CNIH3: variants seen among roughly 807,000 people sequenced by gnomAD.
The protein encoded by CNIH3 is protein cornichon homolog 3.
CNIH3 carries 14 observed loss-of-function variants against 24.1 expected under a neutral mutation model. The observed-to-expected ratio is 0.58, with a 90% CI of 0.38 to 0.91. CNIH3 has a LOEUF of 0.91. CNIH3 is among the 40% of genes least tolerant of loss of function. The probability of loss-of-function intolerance (pLI) is 0.00; values close to 1 mark genes in which losing one functional copy is unlikely to be tolerated. For missense variants in CNIH3, 178 were observed against 196.8 expected, an observed-to-expected ratio of 0.90 and a Z score of 0.57; for synonymous variants, 68 against 73.8, an observed-to-expected ratio of 0.92 and a Z score of 0.40.
At chr1:224,658,511 T>C (rs914650563) in intron 1 of CNIH3, among the ~76,000 whole-genome samples, 2 of 152,226 alleles carry the variant, frequency 1.3e-5, no homozygotes, top group Admixed American at 1.3e-4. Context: ...TTGGAAAATT[T>C]GTCAAATATC....
At chr1:224,531,008 G>C (rs1303601216) in intron 2 of CNIH3, among the ~76,000 whole-genome samples, 2 of 152,128 alleles carry the variant, frequency 1.3e-5, no homozygotes, top group Non-Finnish European at 2.9e-5. Flanking sequence ...TAGCTGAATA[G>C]AGCAGACTTC....
intron 4 of CNIH3, chr1:224,574,738 T>C: frequency 8.4e-7 from 1 of 1,193,166 alleles, no homozygotes; most frequent in East Asian, 2.3e-5. Flanking sequence ...GACCTGAAGC[T>C]GGACTACCTG....
chr1:224,704,533 A>G lies in CNIH3; in HGVS notation c.198+19690A>G, dbSNP rs1687674999. 6.6e-6 allele frequency among the ~76,000 whole-genome samples: 1 copy of G among 152,148 alleles called. No individual in the cohort carries two copies. Among genetic ancestry groups the G allele is most frequent in the Admixed American group, 6.5e-5 (1 of 15,274 alleles). On this transcript the variant is annotated intron_variant, in intron 3 of 5. Transcript: ENST00000272133. This position sits in a 1 kb window ranked among gnomAD's most constrained non-coding sequence, Gnocchi z 4.2. ...CACAATGAACACCCACGTAGCCTTCACCAAGATCCGCCGCTTATTCAGTTT... is the reference window on the plus strand; with the variant it reads ...CACAATGAACACCCACGTAGCCTTCGCCAAGATCCGCCGCTTATTCAGTTT...
intron 1 of CNIH3, among the ~76,000 whole-genome samples, chr1:224,441,683 A>G (rs1444296355): frequency 6.6e-6 from 1 of 152,224 alleles, no homozygotes; most frequent in Non-Finnish European, 1.5e-5. Flanking sequence ...GATGTAATGG[A>G]CCAATAACTA....
intron 3 of CNIH3, among the ~76,000 whole-genome samples, chr1:224,701,702 C>T (rs755921976): frequency 7.2e-5 from 11 of 152,062 alleles, no homozygotes; most frequent in Non-Finnish European, 1.6e-4. Flanking sequence ...GTACAAAGTG[C>T]TTGGTTGGAT....
At chr1:224,671,876 T>C (rs879362630) in intron 1 of CNIH3, among the ~76,000 whole-genome samples, 5 of 152,158 alleles carry the variant, frequency 3.3e-5, no homozygotes, top group Non-Finnish European at 7.3e-5. Context: ...CCAGTGCCAC[T>C]TGCTTCTTGG....
Position 224,680,944 on chromosome 1 carries a change from G to T in CNIH3, c.82-14G>T, listed in dbSNP as rs776380701. ...GTGTGCACTAACACCTCAAATCTCT[G>T]TATTCTGTTTCAGATAATTGCCTTT... is the stretch of plus-strand genomic sequence containing the variant. On this transcript the variant is annotated splice_polypyrimidine_tract_variant and intron_variant, in intron 1 of 5. Transcript: ENST00000272133. 6.2e-7 allele frequency: 1 copy of T among 1,607,268 alleles called. No homozygotes were observed.
chr1:224,725,690 A>G (rs1688987003), intron 3 of CNIH3, among the ~76,000 whole-genome samples: 1 of 152,220 alleles, frequency 6.6e-6, no homozygotes, highest in South Asian at 2.1e-4. Flanking sequence ...GATGAGAGCC[A>G]GGAGCAGACG....
rs1457860165 is a variant in CNIH3 at position 224,552,378 on chromosome 1, G to A, written n.450+5439G>A. Among the ~76,000 whole-genome samples the A allele has an allele frequency of 2.0e-5, 3 of 151,030 alleles. No individual in the cohort carries two copies. In the East Asian group the frequency reaches 5.9e-4, roughly 30 times the overall value. Reference sequence around the variant, plus strand: ...GGGTTTACATTCCCTGTGATATTAGGAGTAATATATCATCTCCCTTAGATA... The same window carrying A: ...GGGTTTACATTCCCTGTGATATTAGAAGTAATATATCATCTCCCTTAGATA... On this transcript the variant is annotated intron_variant and non_coding_transcript_variant, in intron 3 of 5. Coordinates refer to the CNIH3 transcript ENST00000471578.
chr1:224,660,218 T>C (rs1283815923), intron 1 of CNIH3, among the ~76,000 whole-genome samples: 1 of 152,182 alleles, frequency 6.6e-6, no homozygotes, highest in Non-Finnish European at 1.5e-5. Context: ...AGCCTTACAA[T>C]CACGGTGGAA....
At chr1:224,613,688 C>T (rs1682803441), upstream of CNIH3, among the ~76,000 whole-genome samples, 2 of 152,084 alleles carry the variant, frequency 1.3e-5, no homozygotes, top group Admixed American at 6.5e-5. Flanking sequence ...GTGTGTGGCA[C>T]TTCTCCACAA....
chr1:224,714,430 G>A (rs989082919), intron 3 of CNIH3, among the ~76,000 whole-genome samples: 2 of 152,190 alleles, frequency 1.3e-5, no homozygotes, highest in African/African-American at 2.4e-5. Flanking sequence ...GAGCAGAGAC[G>A]AGATGTGTGC....
In CNIH3 at chr1:224,652,029, T is replaced by A. The variant is rs934272170; in HGVS notation, c.82-28929T>A. On this transcript the variant is annotated intron_variant, in intron 1 of 5. Transcript: ENST00000272133. ...TTAGGTGTAAAATGATACCTCCTTG[T>A]CACCCTTGTCACACTCCTTAGCCAA... 5.9e-5 allele frequency among the ~76,000 whole-genome samples: 9 copies of A among 152,186 alleles called. 1 individual carries two copies. Among genetic ancestry groups the A allele is most frequent in the African/African-American group, 2.2e-4 (9 of 41,440 alleles).
intron 3 of CNIH3, among the ~76,000 whole-genome samples, chr1:224,714,949 A>C (rs115370023): frequency 6.6e-6 from 1 of 152,214 alleles, no homozygotes; most frequent in Admixed American, 6.5e-5. Flanking sequence ...CACCTTACGT[A>C]GTAAGGAACA....
chr1:224,538,807 G>A (rs1307442844), downstream of CNIH3, among the ~76,000 whole-genome samples: 1 of 150,382 alleles, frequency 6.6e-6, no homozygotes. Context: ...CTACAGGAAT[G>A]GCCACCTAGC....
intron 1 of CNIH3, among the ~76,000 whole-genome samples, chr1:224,627,864 G>A (rs930786312): frequency 6.6e-6 from 1 of 152,088 alleles, no homozygotes; most frequent in African/African-American, 2.4e-5. Context: ...CTTGGGACAC[G>A]GGCTCTGAGA....
intron 3 of CNIH3, among the ~76,000 whole-genome samples, chr1:224,558,036 C>T (rs1250304989): frequency 6.6e-6 from 1 of 152,184 alleles, no homozygotes; most frequent in Non-Finnish European, 1.5e-5. Context: ...TTCAAACAAC[C>T]ATTCGAACTG....
intron 1 of CNIH3, among the ~76,000 whole-genome samples, chr1:224,486,928 G>C (rs950025394): frequency 6.6e-5 from 10 of 152,204 alleles, no homozygotes; most frequent in African/African-American, 2.4e-4. Flanking sequence ...CCCCAGGTCG[G>C]CTGACTAAAC....
intron 3 of CNIH3, among the ~76,000 whole-genome samples, chr1:224,550,766 A>G (rs1054151467): frequency 2.0e-5 from 3 of 152,162 alleles, no homozygotes; most frequent in African/African-American, 2.4e-5. Flanking sequence ...GGTGAGTTAC[A>G]TATGTATACA....
Sources: allele counts gnomAD v4.1 joint callset (sites outside exome capture counted in the v4.1 genomes callset), GRCh38; gene constraint gnomAD v4.1.1; non-coding constraint Gnocchi (gnomAD v3.1); transcripts MANE v1.5; gene names NCBI Gene and HGNC (gene_info 2026-07-23, HGNC 2026-07-21).